Variants in TERF2 observed in about 807,000 individuals in gnomAD.
TERF2 encodes the protein telomeric repeat-binding factor 2.
A neutral mutation model predicts 56.1 loss-of-function variants in TERF2; 16 were observed. The ratio of observed to expected loss-of-function variants is 0.29; its 90% CI spans 0.19 to 0.43. TERF2 has a LOEUF of 0.43. Ranked by LOEUF, TERF2 falls within the 20% of genes least tolerant of loss-of-function variation. The pLI is 1.00. For synonymous variants in TERF2, 296 were observed against 282.1 expected (o/e 1.05, Z -0.50); for missense variants, 547 against 712.9 (o/e 0.77, Z 2.65).
chr16:69,368,442 C>T lies in TERF2; in HGVS notation c.881G>A (p.Ser294Asn), dbSNP rs1567448101. The T allele has an allele frequency of 4.3e-6, 7 of 1,614,146 alleles. No homozygotes were observed. Among genetic ancestry groups the T allele is most frequent in the Non-Finnish European group, 5.1e-6 (6 of 1,180,022 alleles). Reference protein sequence around the residue: ...KALKSESAASSTGKEDKQPAP... With the variant: ...KALKSESAASNTGKEDKQPAP... ...TGGCTGTTTATCTTCCTTCCCTGTACTTGAGGCAGCGGACTCAGATTTCAA... is the reference window on the plus strand; with the variant it reads ...TGGCTGTTTATCTTCCTTCCCTGTATTTGAGGCAGCGGACTCAGATTTCAA... The change falls in exon 6 of 10, where the codon AGT becomes AAT. Residue 294 changes from serine (S) to asparagine (N), a missense_variant. This residue lies in a region of TERF2 where 211 missense variants were observed against 236.8 expected (regional missense o/e 0.89). Transcript: ENST00000254942.
In TERF2 at chr16:69,356,895, G is replaced by C; in HGVS notation, c.*3C>G. On this transcript the variant is annotated 3_prime_UTR_variant, in exon 10 of 10. Coordinates refer to ENST00000254942, the MANE Select transcript of TERF2 (RefSeq NM_005652.5). The stretch of plus-strand genomic sequence containing the variant: ...GTGAATTCTGTGGAAATGAAAGCCT[G>C]TTTCAGTTCATGCCAAGTCTTTTCA... 2 of 1,610,230 alleles carry C rather than the reference G, an allele frequency of 1.2e-6. No individual in the cohort carries two copies. The highest frequency in any genetic ancestry group is 2.2e-5 in the East Asian group (1 of 44,814).
At position 69,363,517 on chromosome 16, in the gene TERF2, G is replaced by A. The variant is rs527944517; in HGVS notation, c.1341-2028C>T. Among the ~76,000 whole-genome samples the A allele has an allele frequency of 3.9e-5, 6 of 152,284 alleles. No individual in the cohort carries two copies. In the South Asian group the frequency reaches 1.2e-3, roughly 32 times the overall value. On this transcript the variant is annotated intron_variant, in intron 7 of 9. Transcript: ENST00000254942. ...GGCTGAGTGGTCCTGGCCAAGTCAGGCCACTTCCTGGTCCTTGTGCTCCTG... is the reference window on the plus strand; with the variant it reads ...GGCTGAGTGGTCCTGGCCAAGTCAGACCACTTCCTGGTCCTTGTGCTCCTG...
At chr16:69,368,332 C>T (rs200534228) in intron 6 of TERF2, 44 bp downstream of exon 6, 1 of 1,589,118 alleles carries the variant, frequency 6.3e-7, no homozygotes, top group East Asian at 2.2e-5. Context: ...TTCCAGCGAC[C>T]ACCCTAGTGT....
At chr16:69,385,572 C>A (rs1322407952) in intron 1 of TERF2, 21 bp downstream of exon 1, 1 of 1,590,678 alleles carries the variant, frequency 6.3e-7, no homozygotes, top group Non-Finnish European at 8.6e-7. Flanking sequence ...TCCAACCCCC[C>A]TCCCCCGGCC....
At position 69,357,715 on chromosome 16, in the gene TERF2, C is replaced by T. The variant is rs539746956; in HGVS notation, c.1427-154G>A. ...TATCACTAAAGGATAATTTACTTTT[C>T]TCCTTTATTTGCAAACACCAGTCAC... On this transcript the variant is annotated intron_variant, in intron 8 of 9. Transcript: ENST00000254942. 7.5e-6 allele frequency: 3 copies of T among 398,544 alleles called. No homozygotes were observed. In the Admixed American group the frequency reaches 1.9e-4, roughly 26 times the overall value. The allele number at this position is 398,544 out of a possible 1,614,324, so 24.7% of individuals were successfully genotyped here.
chr16:69,361,333 T>A (rs1309463658), intron 8 of TERF2, 71 bp downstream of exon 8: 6 of 1,099,500 alleles, frequency 5.5e-6, no homozygotes, highest in Middle Eastern at 4.0e-4. Flanking sequence ...TCTGGAATAT[T>A]AACATGACAG....
intron 3 of TERF2, 102 bp from the exon 4 acceptor site, chr16:69,372,457 G>A: frequency 1.2e-6 from 1 of 809,246 alleles, no homozygotes; most frequent in Non-Finnish European, 1.9e-6. Context: ...TCAAATTTCT[G>A]TACTTAAAAA....
At chr16:69,376,309 T>C (rs770013910) in intron 3 of TERF2, among the ~76,000 whole-genome samples, 3 of 152,182 alleles carry the variant, frequency 2.0e-5, no homozygotes, top group Non-Finnish European at 2.9e-5. Flanking sequence ...AAGACCATCC[T>C]TTTCCCATTG....
At chr16:69,363,707 G>A (rs142969372) in intron 7 of TERF2, among the ~76,000 whole-genome samples, 9 of 152,176 alleles carry the variant, frequency 5.9e-5, no homozygotes, top group African/African-American at 9.7e-5. Context: ...AGTGGCTCAC[G>A]TCTGTAATCC....
intron 8 of TERF2, among the ~76,000 whole-genome samples, chr16:69,361,107 C>G (rs944861119): frequency 1.3e-5 from 2 of 151,886 alleles, no homozygotes; most frequent in Admixed American, 6.6e-5. Context: ...GTGGTGCACA[C>G]CTGCAGTCCC....
rs532105371 is a variant in TERF2 at position 69,375,850 on chromosome 16, T to A, written c.607-3495A>T. Among the ~76,000 whole-genome samples, 21 of 152,330 alleles carry A rather than the reference T, an allele frequency of 1.4e-4. 1 individual carries two copies. The South Asian group carries it at 4.3e-3, about 32-fold the overall frequency. On this transcript the variant is annotated intron_variant, in intron 3 of 9. Transcript: ENST00000254942. ...TGAGTAAATGATGTTGAACATCTTT[T>A]CATGTAATTTTTTTTTACCATCTAC...
intron 8 of TERF2, among the ~76,000 whole-genome samples, chr16:69,360,685 A>C (rs2013103045): frequency 7.4e-6 from 1 of 135,886 alleles, no homozygotes. Context: ...TCCACCTTGG[A>C]TGAGAGTGAG....
At chr16:69,380,216 G>C (rs1186942132) in intron 3 of TERF2, among the ~76,000 whole-genome samples, 1 of 151,922 alleles carries the variant, frequency 6.6e-6, no homozygotes, top group Non-Finnish European at 1.5e-5. Context: ...CCCTACCCTT[G>C]GTTAAGGCAT....
intron 4 of TERF2, 48 bp downstream of exon 4, chr16:69,372,221 G>A: frequency 7.4e-7 from 1 of 1,347,922 alleles, no homozygotes; most frequent in South Asian, 1.3e-5. Context: ...CCCACAAAAA[G>A]CAATGAGATG....
chr16:69,372,285 T>C lies in TERF2; in HGVS notation c.677A>G (p.Lys226Arg), dbSNP rs995968842. 1 of 1,610,544 alleles carries C rather than the reference T, an allele frequency of 6.2e-7. No homozygotes were observed. Among genetic ancestry groups the C allele is most frequent in the Non-Finnish European group, 8.5e-7 (1 of 1,178,590 alleles). The change falls in exon 4 of 10, where the codon AAG (lysine) becomes AGG (arginine). Residue 226 changes from lysine to arginine, a missense_variant. By Grantham distance (26) the Lys-to-Arg change is conservative. Coordinates refer to ENST00000254942, the MANE Select transcript of TERF2 (RefSeq NM_005652.5). ...ASKILKKHMS[K>R]DPTTQKLRND... The stretch of plus-strand genomic sequence containing the variant: ...CAAATTTACCTGAGTTGTGGGGTCC[T>C]TGGACATATGTTTTTTCAAAATTTT...
rs544336951 is a variant in TERF2, at chr16:69,356,877, C to T, written c.*21G>A. ...ATTAGGAACCATGCTCCTGTGAATTCTGTGGAAATGAAAGCCTGTTTCAGT... is the reference window on the plus strand; with the variant it reads ...ATTAGGAACCATGCTCCTGTGAATTTTGTGGAAATGAAAGCCTGTTTCAGT... On this transcript the variant is annotated 3_prime_UTR_variant, in exon 10 of 10. Coordinates refer to ENST00000254942, the MANE Select transcript of TERF2 (RefSeq NM_005652.5). 1 of 1,601,044 alleles carries T rather than the reference C, an allele frequency of 6.2e-7. No homozygotes were observed. The highest frequency in any genetic ancestry group is 1.1e-5 in the South Asian group (1 of 88,992).
chr16:69,385,330 T>A (rs1048516611), intron 2 of TERF2, 61 bp downstream of exon 2: 15 of 1,420,556 alleles, frequency 1.1e-5, no homozygotes, highest in African/African-American at 1.4e-5. Flanking sequence ...GTTCTAGATA[T>A]AAGTTTTAAA....
intron 5 of TERF2, among the ~76,000 whole-genome samples, chr16:69,368,864 C>T (rs113157895): frequency 0.029 from 4,422 of 151,942 alleles, 217 homozygotes; most frequent in African/African-American, 0.1. Context: ...TTAGTAGAGA[C>T]GGGGTTTCAC....
rs2014195770 is a variant in TERF2 at position 69,385,996 on chromosome 16, C to T, written c.-25G>A. On this transcript the variant is annotated 5_prime_UTR_variant, in exon 1 of 10. Coordinates refer to ENST00000254942, the MANE Select transcript of TERF2 (RefSeq NM_005652.5). ...TGATAGAAACAGCGTTCCGAGCCGC[C>T]CGCGGGCTTCTGGGAGGGAAAGGAC... 1 of 1,308,890 alleles carries T rather than the reference C, an allele frequency of 7.6e-7. No homozygotes were observed. Among genetic ancestry groups the T allele is most frequent in the Non-Finnish European group, 9.7e-7 (1 of 1,030,334 alleles). The allele number at this position is 1,308,890 out of a possible 1,614,324, so 81.1% of individuals were successfully genotyped here. A position where few individuals can be genotyped will look rare whatever the true frequency, so the allele number is the denominator to read the frequency against.
Sources: allele counts gnomAD v4.1 joint callset (sites outside exome capture counted in the v4.1 genomes callset), GRCh38; gene constraint gnomAD v4.1.1; regional missense constraint gnomAD v4.1.1; transcripts MANE v1.5; gene names NCBI Gene and HGNC (gene_info 2026-07-23, HGNC 2026-07-21).